Variants in RAP1GAP observed in about 807,000 individuals in gnomAD.
RAP1GAP encodes the protein rap1 GTPase-activating protein 1.
A neutral mutation model predicts 87.2 loss-of-function variants in RAP1GAP; 35 were observed. The ratio of observed to expected loss-of-function variants is 0.40; its 90% CI spans 0.31 to 0.53. The LOEUF (loss-of-function observed/expected upper bound fraction) is 0.53, where lower values mean the gene tolerates loss of function less well. RAP1GAP is among the 20% of genes least tolerant of loss of function. The probability of loss-of-function intolerance (pLI) is 0.48; values close to 1 mark genes in which losing one functional copy is unlikely to be tolerated. For synonymous variants in RAP1GAP, 375 were observed against 363.9 expected, an observed-to-expected ratio of 1.03 and a Z score of -0.35; for missense variants, 734 against 898.9, an observed-to-expected ratio of 0.82 and a Z score of 2.35.
intron 1 of RAP1GAP, among the ~76,000 whole-genome samples, chr1:21,658,212 T>G (rs2096941080): frequency 1.3e-5 from 2 of 152,198 alleles, no homozygotes; most frequent in South Asian, 4.1e-4. Flanking sequence ...TTTTCAAAGG[T>G]GCAGCTACTG....
Position 21,622,520 on chromosome 1 carries a change from C to A in RAP1GAP, c.-18-2470G>T, listed in dbSNP as rs2089060266. ...CCGGGCCCCGCAGCGCTGAGCTCCG[C>A]GCTCCCGGCTCCCGGCGGCGGCGCT... On this transcript the variant is annotated intron_variant, in intron 3 of 24. Coordinates refer to ENST00000374765, the MANE Select transcript of RAP1GAP (RefSeq NM_002885.4). This position sits in a 1 kb window ranked among gnomAD's most constrained non-coding sequence, Gnocchi z 5.7. 6.7e-6 allele frequency: 1 copy of A among 150,134 alleles called. No homozygotes were observed. The highest frequency in any genetic ancestry group is 2.4e-5 in the African/African-American group (1 of 40,960). The allele number at this position is 150,134 out of a possible 1,614,324, so 9.3% of individuals were successfully genotyped here.
At chr1:21,660,353 T>A (rs74421283) in intron 1 of RAP1GAP, among the ~76,000 whole-genome samples, 265 of 26,188 alleles carry the variant, frequency 0.01, 16 homozygotes, top group East Asian at 0.03. Flanking sequence ...ATATATTTAT[T>A]GAGACAGTCT....
chr1:21,636,522 C>T (rs2094688628), intron 2 of RAP1GAP, among the ~76,000 whole-genome samples: 3 of 152,108 alleles, frequency 2.0e-5, no homozygotes, highest in African/African-American at 7.2e-5. Flanking sequence ...GTAAAGCAAC[C>T]TAGGCAGGGC....
At position 21,622,384 on chromosome 1, in the gene RAP1GAP, G is replaced by T; in HGVS notation, c.-18-2334C>A. On this transcript the variant is annotated intron_variant, in intron 3 of 24. Coordinates refer to ENST00000374765, the MANE Select transcript of RAP1GAP (RefSeq NM_002885.4). The surrounding 1 kb of genome is among the most constrained non-coding windows in gnomAD (Gnocchi z 5.7). ...GCAGCGAGCCCCTCCGCGGACGGCC[G>T]GGTGGCACCGCGGGCCGCAGCTGTG... 2.3e-6 allele frequency: 1 copy of T among 430,550 alleles called. No individual in the cohort carries two copies. Among genetic ancestry groups the T allele is most frequent in the South Asian group, 4.5e-5 (1 of 21,982 alleles). The allele number at this position is 430,550 out of a possible 1,614,324, so 26.7% of individuals were successfully genotyped here. A position where few individuals can be genotyped will look rare whatever the true frequency, so the allele number is the denominator to read the frequency against.
chr1:21,600,969 C>T lies in RAP1GAP; in HGVS notation c.1652+715G>A, dbSNP rs564291370. ...CCCACCTCTCCAACCTCCTTCCCGC[C>T]ACCACCCAGCACAATGTCACAATGT... On this transcript the variant is annotated intron_variant, in intron 20 of 24. Coordinates refer to ENST00000374765, the MANE Select transcript of RAP1GAP (RefSeq NM_002885.4). 8.0e-5 allele frequency among the ~76,000 whole-genome samples: 12 copies of T among 150,566 alleles called. No individual in the cohort carries two copies. In the South Asian group the frequency reaches 2.5e-3, roughly 32 times the overall value.
chr1:21,650,652 G>A (rs931996619), intron 1 of RAP1GAP, among the ~76,000 whole-genome samples: 7 of 152,234 alleles, frequency 4.6e-5, no homozygotes, highest in Admixed American at 1.3e-4. Context: ...GGGGAAGGCC[G>A]ACTCTGCAGA....
intron 2 of RAP1GAP, chr1:21,626,969 T>A (rs1164353639): frequency 4.4e-6 from 2 of 456,572 alleles, no homozygotes; most frequent in Admixed American, 4.7e-5. Context: ...TGCACAGAGG[T>A]CACACGGCTG....
chr1:21,598,207 A>G (rs1646369179), intron 22 of RAP1GAP, 143 bp from the exon 23 acceptor site: 1 of 761,254 alleles, frequency 1.3e-6, no homozygotes, highest in Admixed American at 2.8e-5. Flanking sequence ...ATCCTCCGAG[A>G]CCCTTCCGGA....
intron 20 of RAP1GAP, among the ~76,000 whole-genome samples, chr1:21,600,872 A>C (rs368641661): frequency 1.8e-5 from 2 of 111,218 alleles, no homozygotes; most frequent in Admixed American, 2.1e-4. Flanking sequence ...GAGACAGAGC[A>C]AGACTCTGTC....
chr1:21,631,273 G>A (rs1056414673), intron 2 of RAP1GAP, among the ~76,000 whole-genome samples: 7 of 152,212 alleles, frequency 4.6e-5, no homozygotes, highest in Admixed American at 6.5e-5. Context: ...AGAGCATGCC[G>A]GGACATGGGG....
chr1:21,625,295 G>A (rs566140427), intron 3 of RAP1GAP, among the ~76,000 whole-genome samples: 1 of 152,316 alleles, frequency 6.6e-6, no homozygotes, highest in East Asian at 1.9e-4. Context: ...TGTGACCTTG[G>A]GAAGACCACT....
Position 21,602,803 on chromosome 1 carries a change from C to T in RAP1GAP, c.1538+1G>A, listed in dbSNP as rs773222563. ...TGGGGCACTGTCCCCCACTCACCCA[C>T]CTCTTCTCCTGCACCTCCTGTATGT... On this transcript the variant is annotated splice_donor_variant, in intron 19 of 24. Coordinates refer to ENST00000374765, the MANE Select transcript of RAP1GAP (RefSeq NM_002885.4). LOFTEE classifies it high-confidence loss of function. 1 of 1,604,122 alleles carries T rather than the reference C, an allele frequency of 6.2e-7. No individual in the cohort carries two copies.
chr1:21,667,813 C>T (rs569803697), intron 1 of RAP1GAP: 1 of 152,418 alleles, frequency 6.6e-6, no homozygotes, highest in Admixed American at 6.5e-5. Context: ...AGCGCCTGCC[C>T]TGAAATATTG....
At chr1:21,608,495 T>G in intron 16 of RAP1GAP, 145 bp from the exon 17 acceptor site, 1 of 1,124,758 alleles carries the variant, frequency 8.9e-7, no homozygotes, top group Non-Finnish European at 1.2e-6. Context: ...CTGCACCGCC[T>G]TCCCCCAGGC....
intron 1 of RAP1GAP, among the ~76,000 whole-genome samples, chr1:21,667,079 G>A (rs983150416): frequency 3.9e-5 from 6 of 152,188 alleles, no homozygotes; most frequent in African/African-American, 1.4e-4. Context: ...GTCTGGCCGT[G>A]CTCAGGTCTC....
chr1:21,625,401 T>G (rs2091517100), intron 3 of RAP1GAP, among the ~76,000 whole-genome samples: 1 of 152,212 alleles, frequency 6.6e-6, no homozygotes, highest in African/African-American at 2.4e-5. Context: ...GGGTGTGCTT[T>G]AGAAACTGCA....
At chr1:21,651,973 GC>G (rs893112395) in intron 1 of RAP1GAP, 1 of 567,830 alleles carries the variant, frequency 1.8e-6, no homozygotes, top group African/African-American at 2.0e-5. Context: ...GCTGCCGGGG[GC>G]CGCCGGCGCA....
intron 1 of RAP1GAP, among the ~76,000 whole-genome samples, chr1:21,663,924 T>A (rs1370646538): frequency 6.6e-6 from 1 of 152,110 alleles, no homozygotes; most frequent in Non-Finnish European, 1.5e-5. Flanking sequence ...AATACTGCAA[T>A]TCCCCCAGAG....
rs2076553589 is a variant in RAP1GAP at position 21,609,009 on chromosome 1, A to G, written c.1072-73T>C. The G allele has an allele frequency of 1.3e-5, 17 of 1,284,942 alleles. No individual in the cohort carries two copies. Among genetic ancestry groups the G allele is most frequent in the Non-Finnish European group, 1.8e-5 (16 of 882,848 alleles). The allele number at this position is 1,284,942 out of a possible 1,614,324, so 79.6% of individuals were successfully genotyped here. ...CACATAAACAAGGGTCGGAACCCCA[A>G]CGAGGCAGAGGCTGCAGCTCCTGAA... is the stretch of plus-strand genomic sequence containing the variant. On this transcript the variant is annotated intron_variant, in intron 15 of 24. Transcript: ENST00000374765. This position sits in a 1 kb window ranked among gnomAD's most constrained non-coding sequence, Gnocchi z 4.4.
Sources: gnomAD v4.1 joint callset for allele counts (sites outside exome capture counted in the v4.1 genomes callset) on GRCh38, gnomAD v4.1.1 for gene constraint, Gnocchi (gnomAD v3.1) non-coding constraint, MANE v1.5 for transcripts, NCBI Gene and HGNC (gene_info 2026-07-23, HGNC 2026-07-21) for gene names.